The following FRMD6 variants were observed in gnomAD, a reference collection of about 807,000 sequenced individuals.
FRMD6 encodes FERM domain-containing protein 6.
In FRMD6, 37 loss-of-function variants were observed where a neutral mutation model predicts 73.2. The observed-to-expected ratio is 0.51, with a 90% CI of 0.39 to 0.66. The LOEUF (loss-of-function observed/expected upper bound fraction) is 0.66, where lower values mean the gene tolerates loss of function less well. Among genes scored for constraint, FRMD6 ranks in the 30% least tolerant of loss-of-function variants. The probability of loss-of-function intolerance (pLI) is 0.00; values close to 1 mark genes in which losing one functional copy is unlikely to be tolerated. For missense variants in FRMD6, 714 were observed against 780.5 expected, an observed-to-expected ratio of 0.91 and a Z score of 1.02; for synonymous variants, 273 against 282.2, an observed-to-expected ratio of 0.97 and a Z score of 0.33.
At chr14:51,616,607 C>G (rs1890726132) in intron 2 of FRMD6, among the ~76,000 whole-genome samples, 1 of 152,082 alleles carries the variant, frequency 6.6e-6, no homozygotes, top group African/African-American at 2.4e-5. Flanking sequence ...TGGGGCTGAT[C>G]CTAAGGTGGG....
chr14:51,578,685 A>G (rs1888539220), intron 2 of FRMD6, among the ~76,000 whole-genome samples: 1 of 152,236 alleles, frequency 6.6e-6, no homozygotes, highest in East Asian at 1.9e-4. Flanking sequence ...TTTCAGACAC[A>G]TGATCTGTGT....
the FRMD6 span, chr14:51,436,573 C>T: frequency 1.6e-4 from 100 of 630,834 alleles, no homozygotes; most frequent in Non-Finnish European, 2.5e-4. Flanking sequence ...AAGGATTTGA[C>T]AAAACATTCA....
the FRMD6 span, among the ~76,000 whole-genome samples, chr14:51,433,201 A>C: frequency 6.6e-6 from 1 of 152,216 alleles, no homozygotes; most frequent in Non-Finnish European, 1.5e-5. Flanking sequence ...ATCTAGCCCA[A>C]AATTCACTTC....
chr14:51,660,132 G>A (rs1281415547), intron 1 of FRMD6, among the ~76,000 whole-genome samples: 1 of 152,110 alleles, frequency 6.6e-6, no homozygotes, highest in Non-Finnish European at 1.5e-5. Context: ...AGTAAACTTA[G>A]CACTTTAAAA....
In FRMD6 at chr14:51,499,750, C is replaced by T. The variant is rs184837330; in HGVS notation, c.-210+10330C>T. On this transcript the variant is annotated intron_variant, in intron 1 of 14. Coordinates refer to the FRMD6 transcript ENST00000356218. ...GCTGCATATATTCTTTTCAGGTATT[C>T]GGTCCTTGGGTGATCTGTATAAACT... 7.9e-5 allele frequency among the ~76,000 whole-genome samples: 12 copies of T among 152,310 alleles called. No individual in the cohort carries two copies. In the South Asian group the frequency reaches 1.0e-3, roughly 13 times the overall value.
chr14:51,703,029 G>T (rs72622451), intron 5 of FRMD6, among the ~76,000 whole-genome samples: 39,543 of 151,842 alleles, frequency 0.26, 5,936 homozygotes, highest in Non-Finnish European at 0.33. Flanking sequence ...AAAGTGGATG[G>T]GTGTTTATAT....
intron 2 of FRMD6, among the ~76,000 whole-genome samples, chr14:51,598,656 A>G (rs1258604250): frequency 6.6e-6 from 1 of 152,108 alleles, no homozygotes; most frequent in African/African-American, 2.4e-5. Context: ...CAGTGAGAAC[A>G]TGTGGTATTT....
chr14:51,626,339 T>C (rs1379916877), intron 2 of FRMD6, among the ~76,000 whole-genome samples: 1 of 152,158 alleles, frequency 6.6e-6, no homozygotes, highest in Non-Finnish European at 1.5e-5. Context: ...TAAATATTTG[T>C]TCAAGAAGCC....
At chr14:51,663,929 C>T (rs548582786) in intron 1 of FRMD6, among the ~76,000 whole-genome samples, 7 of 152,280 alleles carry the variant, frequency 4.6e-5, no homozygotes, top group East Asian at 1.9e-4. Context: ...GTGATAACTA[C>T]GTTAATCCAC....
chr14:51,529,086 T>G (rs1431924508), intron 1 of FRMD6, among the ~76,000 whole-genome samples: 1 of 152,246 alleles, frequency 6.6e-6, no homozygotes. Context: ...TTGGGGGACA[T>G]GCTGACAGAA....
At chr14:51,512,264 G>A (rs1884353863) in intron 1 of FRMD6, among the ~76,000 whole-genome samples, 1 of 152,190 alleles carries the variant, frequency 6.6e-6, no homozygotes, top group African/African-American at 2.4e-5. Context: ...AATACTTGAA[G>A]ATCCTCAGAT....
At chr14:51,588,688 T>G (rs2139711049) in intron 2 of FRMD6, among the ~76,000 whole-genome samples, 1 of 152,304 alleles carries the variant, frequency 6.6e-6, no homozygotes, top group African/African-American at 2.4e-5. Flanking sequence ...CCTCACACTC[T>G]GATATGCCAC....
intron 1 of FRMD6, among the ~76,000 whole-genome samples, chr14:51,560,287 T>C (rs183017859): frequency 1.3e-5 from 2 of 152,142 alleles, no homozygotes; most frequent in Admixed American, 6.6e-5. Context: ...TGATGAAAAA[T>C]TCGTAAAATA....
chr14:51,626,383 G>T (rs1446503737), intron 2 of FRMD6, among the ~76,000 whole-genome samples: 1 of 152,106 alleles, frequency 6.6e-6, no homozygotes, highest in African/African-American at 2.4e-5. Context: ...GTACTCCAAG[G>T]TTTGATGAAG....
At chr14:51,601,871 A>G (rs1050933771) in intron 2 of FRMD6, among the ~76,000 whole-genome samples, 3 of 152,232 alleles carry the variant, frequency 2.0e-5, no homozygotes, top group African/African-American at 7.2e-5. Flanking sequence ...GGCAGTTAAT[A>G]GCCTCTGATT....
the FRMD6 span, among the ~76,000 whole-genome samples, chr14:51,430,328 T>C: frequency 6.6e-6 from 1 of 152,194 alleles, no homozygotes; most frequent in African/African-American, 2.4e-5. Context: ...TCTTTAAATA[T>C]AGTTGCTCAC....
chr14:51,657,655 C>G (rs191470834), intron 1 of FRMD6, among the ~76,000 whole-genome samples: 112 of 152,004 alleles, frequency 7.4e-4, no homozygotes, highest in Non-Finnish European at 1.4e-3. Flanking sequence ...TTTGATGGCT[C>G]TAAAAAATGT....
chr14:51,563,709 T>C (rs1887615707), intron 1 of FRMD6, among the ~76,000 whole-genome samples: 1 of 152,162 alleles, frequency 6.6e-6, no homozygotes, highest in African/African-American at 2.4e-5. Flanking sequence ...GTGGTTGCAA[T>C]ACAACTTTGA....
intron 1 of FRMD6, among the ~76,000 whole-genome samples, chr14:51,539,786 T>A (rs922513478): frequency 7.2e-5 from 11 of 152,200 alleles, no homozygotes; most frequent in Non-Finnish European, 1.5e-4. Context: ...CATTTGCAGA[T>A]GACTTCTTTG....
Sources: allele counts gnomAD v4.1 joint callset (sites outside exome capture counted in the v4.1 genomes callset), GRCh38; gene constraint gnomAD v4.1.1; transcripts MANE v1.5; gene names NCBI Gene and HGNC (gene_info 2026-07-23, HGNC 2026-07-21).